Variants in TNRC6A observed in about 807,000 individuals in gnomAD.
TNRC6A encodes the protein trinucleotide repeat containing adaptor 6A.
TNRC6A carries 44 observed loss-of-function variants against 221.2 expected under a neutral mutation model. That is an observed-to-expected ratio of 0.20 (90% CI 0.16 to 0.26). The LOEUF (loss-of-function observed/expected upper bound fraction) is 0.26. TNRC6A is among the 10% of genes least tolerant of loss of function. The pLI is 1.00. For missense variants in TNRC6A, 2,199 were observed against 2,404.4 expected (o/e 0.91, Z 1.79); for synonymous variants, 847 against 838.5 (o/e 1.01, Z -0.18).
chr16:24,757,361 G>C (rs2057274888), intron 3 of TNRC6A, among the ~76,000 whole-genome samples: 1 of 152,166 alleles, frequency 6.6e-6, no homozygotes, highest in South Asian at 2.1e-4. Flanking sequence ...TTTGATAACA[G>C]TAATTTCATA....
intron 11 of TNRC6A, among the ~76,000 whole-genome samples, chr16:24,802,613 T>G (rs1310825194): frequency 6.6e-6 from 1 of 152,210 alleles, no homozygotes; most frequent in Non-Finnish European, 1.5e-5. Flanking sequence ...AATGTGGGAC[T>G]GAGCTCAGTT....
chr16:24,757,826 G>A (rs1340532495), intron 3 of TNRC6A, among the ~76,000 whole-genome samples: 1 of 152,176 alleles, frequency 6.6e-6, no homozygotes, highest in Non-Finnish European at 1.5e-5. Context: ...AGTTGACTAA[G>A]TTTAATTGCA....
chr16:24,803,417 TC>T (rs952579136), intron 11 of TNRC6A: 1 of 145,540 alleles, frequency 6.9e-6, no homozygotes, highest in African/African-American at 2.5e-5. Flanking sequence ...AGACCCCTTC[TC>T]AAAAAAAAAA....
chr16:24,678,685 A>G (rs181077948), intron 2 of TNRC6A, among the ~76,000 whole-genome samples: 3 of 152,312 alleles, frequency 2.0e-5, no homozygotes, highest in African/African-American at 7.2e-5. Flanking sequence ...AGCCTGGGTG[A>G]CAGAGTGAGA....
chr16:24,722,766 C>A (rs1320853477), intron 2 of TNRC6A, among the ~76,000 whole-genome samples: 1 of 151,936 alleles, frequency 6.6e-6, no homozygotes, highest in African/African-American at 2.4e-5. Flanking sequence ...CGAATTATAC[C>A]ACCACAACAA....
At chr16:24,622,092 A>T (rs756277237) in intron 1 of TNRC6A, among the ~76,000 whole-genome samples, 9 of 150,764 alleles carry the variant, frequency 6.0e-5, no homozygotes, top group Non-Finnish European at 1.3e-4. Flanking sequence ...CTGTCTGGCC[A>T]ACCAGTGTTT....
chr16:24,806,798 T>C lies in TNRC6A; in HGVS notation c.4540+14T>C. 6.2e-7 allele frequency: 1 copy of C among 1,613,580 alleles called. No individual in the cohort carries two copies. ...ACTTCCCTATAGGTGGGTTTCTCCTTGGCCCAAGTATTGGACTGATGCTTA... is the reference window on the plus strand; with the variant it reads ...ACTTCCCTATAGGTGGGTTTCTCCTCGGCCCAAGTATTGGACTGATGCTTA... On this transcript the variant is annotated intron_variant, in intron 17 of 24. Coordinates refer to ENST00000395799, the MANE Select transcript of TNRC6A (RefSeq NM_014494.4).
At chr16:24,674,170 A>G (rs531865372) in intron 2 of TNRC6A, among the ~76,000 whole-genome samples, 2 of 152,172 alleles carry the variant, frequency 1.3e-5, no homozygotes, top group Admixed American at 1.3e-4. Flanking sequence ...TCCTCAGCTC[A>G]AGTGATCCTC....
intron 2 of TNRC6A, among the ~76,000 whole-genome samples, chr16:24,673,080 C>A (rs957102405): frequency 6.6e-6 from 1 of 152,042 alleles, no homozygotes; most frequent in Non-Finnish European, 1.5e-5. Context: ...TGGCACACAC[C>A]TGTAGTCCCA....
chr16:24,694,763 A>G (rs2055825148), intron 2 of TNRC6A, among the ~76,000 whole-genome samples: 1 of 150,100 alleles, frequency 6.7e-6, no homozygotes, highest in Admixed American at 6.7e-5. Context: ...GCAAGACCCC[A>G]TCTCTACAAA....
chr16:24,708,614 G>A (rs747482318), intron 2 of TNRC6A, among the ~76,000 whole-genome samples: 11 of 151,996 alleles, frequency 7.2e-5, no homozygotes, highest in Non-Finnish European at 1.0e-4. Flanking sequence ...AGTGTACACT[G>A]TCTCCAATAT....
intron 2 of TNRC6A, among the ~76,000 whole-genome samples, chr16:24,735,197 T>C (rs1417174274): frequency 3.3e-5 from 5 of 152,126 alleles, no homozygotes; most frequent in Non-Finnish European, 7.4e-5. Flanking sequence ...CAGGAGAATC[T>C]GAACCTGGGA....
At chr16:24,705,777 C>T (rs2142257334) in intron 2 of TNRC6A, among the ~76,000 whole-genome samples, 1 of 152,264 alleles carries the variant, frequency 6.6e-6, no homozygotes, top group African/African-American at 2.4e-5. Context: ...TTTAATGTTG[C>T]ACACTAGAAG....
At chr16:24,726,615 G>A (rs1044126342), upstream of TNRC6A, among the ~76,000 whole-genome samples, 1 of 152,164 alleles carries the variant, frequency 6.6e-6, no homozygotes, top group African/African-American at 2.4e-5. Flanking sequence ...GGAGAAGGAG[G>A]AGAGCCAGTG....
chr16:24,814,119 C>T (rs918150197), intron 18 of TNRC6A, among the ~76,000 whole-genome samples: 60 of 152,118 alleles, frequency 3.9e-4, no homozygotes, highest in African/African-American at 1.4e-3. Context: ...AGGGATAGGT[C>T]AGTGCCCACC....
chr16:24,778,892 C>T (rs1315325826), intron 5 of TNRC6A, among the ~76,000 whole-genome samples: 7 of 151,922 alleles, frequency 4.6e-5, no homozygotes, highest in Non-Finnish European at 2.9e-5. Flanking sequence ...TTAAAAACTT[C>T]GGGAGAGGTT....
At chr16:24,635,346 G>A (rs180935755) in intron 1 of TNRC6A, among the ~76,000 whole-genome samples, 17 of 151,684 alleles carry the variant, frequency 1.1e-4, no homozygotes, top group East Asian at 5.8e-4. Context: ...GCAGTGGCTC[G>A]ATCTTGGCTC....
intron 2 of TNRC6A, among the ~76,000 whole-genome samples, chr16:24,668,397 A>ATATATG (rs1338705031): frequency 7.2e-5 from 11 of 152,028 alleles, no homozygotes; most frequent in African/African-American, 2.4e-4. Context: ...AATTACATAT[A>ATATATG]TATATGTATA....
intron 2 of TNRC6A, among the ~76,000 whole-genome samples, chr16:24,703,927 T>A: frequency 6.6e-6 from 1 of 151,554 alleles, no homozygotes; most frequent in East Asian, 2.0e-4. Context: ...CTACAAAAGA[T>A]AGAAAGATCA....
Sources: gnomAD v4.1 joint callset for allele counts (sites outside exome capture counted in the v4.1 genomes callset) on GRCh38, gnomAD v4.1.1 for gene constraint, MANE v1.5 for transcripts, NCBI Gene and HGNC (gene_info 2026-07-23, HGNC 2026-07-21) for gene names.